The following DNAH14 variants were observed in gnomAD, a reference collection of about 807,000 sequenced individuals.
DNAH14 encodes dynein axonemal heavy chain 14.
In DNAH14, 478 loss-of-function variants were observed where a neutral mutation model predicts 520.9. That is an observed-to-expected ratio of 0.92 (90% CI 0.85 to 0.99). DNAH14 has a LOEUF of 0.99. DNAH14 is among the 50% of genes least tolerant of loss of function. DNAH14 has a pLI of 0.00. For missense variants in DNAH14, 4,831 were observed against 5,234.5 expected (o/e 0.92, Z 2.38); for synonymous variants, 1,581 against 1,757.2 (o/e 0.90, Z 2.51).
chr1:225,148,614 C>A (rs780729295), intron 31 of DNAH14, among the ~76,000 whole-genome samples: 23 of 151,984 alleles, frequency 1.5e-4, no homozygotes, highest in Non-Finnish European at 2.5e-4. Context: ...GTTGGTCAGG[C>A]TGGTCTCAAA....
chr1:225,270,897 A>AT, intron 50 of DNAH14, 31 bp downstream of exon 50: 1 of 1,535,868 alleles, frequency 6.5e-7, no homozygotes, highest in Non-Finnish European at 8.8e-7. Flanking sequence ...TCTACTGAAA[A>AT]AAATTAATTC....
In DNAH14 at chr1:225,079,136, TAAA is replaced by T; in HGVS notation, c.2425-68_2425-66del. ...TTAGACTTATATAAGTCAGAGAAAT[TAAA>T]AAGAGTAATTAGTCTTCCAAAATGA... On this transcript the variant is annotated intron_variant, in intron 17 of 85. Transcript: ENST00000682510. 16 of 1,332,712 alleles carry T rather than the reference TAAA, an allele frequency of 1.2e-5. No homozygotes were observed. In the South Asian group the frequency reaches 2.2e-4, roughly 18 times the overall value. 82.6% of individuals were successfully genotyped at this position (1,332,712 alleles called of 1,614,324 possible).
At chr1:225,322,079 T>C (rs1463140123) in intron 61 of DNAH14, among the ~76,000 whole-genome samples, 1 of 127,258 alleles carries the variant, frequency 7.9e-6, no homozygotes, top group Non-Finnish European at 1.6e-5. Flanking sequence ...TTCTTTTTTT[T>C]TCTTTCTTTT....
chr1:224,950,930 G>A, intron 1 of DNAH14, among the ~76,000 whole-genome samples: 1 of 151,930 alleles, frequency 6.6e-6, no homozygotes. Flanking sequence ...TAAAACATTT[G>A]TGGCAATTTG....
chr1:225,133,033 G>C (rs1159294157), intron 27 of DNAH14, among the ~76,000 whole-genome samples: 2 of 151,958 alleles, frequency 1.3e-5, no homozygotes, highest in Non-Finnish European at 2.9e-5. Flanking sequence ...TTTTTGAGAA[G>C]TATCTGTTCA....
intron 54 of DNAH14, among the ~76,000 whole-genome samples, chr1:225,279,219 C>T (rs1410147250): frequency 5.3e-5 from 8 of 152,148 alleles, no homozygotes; most frequent in Non-Finnish European, 1.2e-4. Context: ...GTTGGGCAGG[C>T]TGGTCTTGAA....
At position 225,022,716 on chromosome 1, in the gene DNAH14, A is replaced by G. The variant is rs1164575742; in HGVS notation, c.1108-899A>G. ...TCAAAGAACTTAAAAGAGAACTACC[A>G]TTCAACTCAGCAATCCCTCTACTGG... is the stretch of plus-strand genomic sequence containing the variant. On this transcript the variant is annotated intron_variant, in intron 10 of 85. Coordinates refer to ENST00000682510, the MANE Select transcript of DNAH14 (RefSeq NM_001367479.1). 2.6e-5 allele frequency among the ~76,000 whole-genome samples: 4 copies of G among 152,212 alleles called. No individual in the cohort carries two copies. The South Asian group carries it at 8.3e-4, about 31-fold the overall frequency.
At chr1:225,288,572 T>C (rs1224676975) in intron 54 of DNAH14, among the ~76,000 whole-genome samples, 2 of 152,150 alleles carry the variant, frequency 1.3e-5, no homozygotes, top group African/African-American at 4.8e-5. Flanking sequence ...TGTGGATATA[T>C]GACAGTTCCC....
At chr1:225,014,013 C>G (rs1263840346) in intron 10 of DNAH14, among the ~76,000 whole-genome samples, 2 of 152,088 alleles carry the variant, frequency 1.3e-5, no homozygotes, top group Non-Finnish European at 2.9e-5. Context: ...GAAAAAAACT[C>G]CTGCAGCTAG....
Position 225,290,046 on chromosome 1 carries a change from C to A in DNAH14, c.8433C>A (p.Pro2811=). The A allele has an allele frequency of 6.6e-7, 1 of 1,512,582 alleles. No individual in the cohort carries two copies. Among genetic ancestry groups the A allele is most frequent in the Non-Finnish European group, 8.9e-7 (1 of 1,126,870 alleles). 93.7% of individuals were successfully genotyped at this position (1,512,582 alleles called of 1,614,324 possible). The change falls in exon 55 of 86, where the codon CCC becomes CCA. Residue 2811 remains proline (P), a synonymous_variant. Transcript: ENST00000682510. Reference sequence around the variant, plus strand: ...TTCACGCAGGATTAAAAGGGAAACCCACTGTTCTGATGGTTCCCAATTTAA... The same window carrying A: ...TTCACGCAGGATTAAAAGGGAAACCAACTGTTCTGATGGTTCCCAATTTAA... The part of the protein sequence containing the change: ...VFIHAGLKGK[P]TVLMVPNLNI...
At chr1:225,326,946 T>G (rs1182287120) in intron 64 of DNAH14, among the ~76,000 whole-genome samples, 1 of 152,018 alleles carries the variant, frequency 6.6e-6, no homozygotes, top group Non-Finnish European at 1.5e-5. Context: ...ACAGAGAACC[T>G]GAACAACTCA....
chr1:224,948,619 T>C (rs1239707584), intron 1 of DNAH14, among the ~76,000 whole-genome samples: 3 of 152,072 alleles, frequency 2.0e-5, no homozygotes, highest in African/African-American at 7.2e-5. Context: ...TCTCTTTTGT[T>C]CTGACTCTTC....
chr1:225,308,866 C>G (rs2094301757), intron 60 of DNAH14, among the ~76,000 whole-genome samples: 1 of 152,208 alleles, frequency 6.6e-6, no homozygotes, highest in South Asian at 2.1e-4. Context: ...TGTGGTTTAG[C>G]AAATCACTGC....
intron 7 of DNAH14, chr1:224,969,729 A>C (rs1011559943): frequency 4.4e-6 from 1 of 225,414 alleles, no homozygotes; most frequent in Non-Finnish European, 8.4e-6. Context: ...TCCCCAAATT[A>C]ATACTTTTAT....
At chr1:224,993,519 T>C (rs781480686) in intron 8 of DNAH14, among the ~76,000 whole-genome samples, 22 of 152,024 alleles carry the variant, frequency 1.4e-4, no homozygotes, top group Non-Finnish European at 1.3e-4. Flanking sequence ...ATCCTTTGTA[T>C]TTCTGTGGTA....
intron 49 of DNAH14, among the ~76,000 whole-genome samples, chr1:225,269,979 C>T (rs1456641707): frequency 1.3e-5 from 2 of 152,150 alleles, no homozygotes. Flanking sequence ...TGGGTATATA[C>T]TCAAAGGATT....
At chr1:225,210,102 G>A (rs1267431271) in intron 41 of DNAH14, among the ~76,000 whole-genome samples, 1 of 149,920 alleles carries the variant, frequency 6.7e-6, no homozygotes, top group African/African-American at 2.5e-5. Context: ...GCTAGCTGCA[G>A]GAGTTTTTCT....
chr1:224,944,433 G>T (rs972567580), intron 1 of DNAH14, among the ~76,000 whole-genome samples: 2 of 152,122 alleles, frequency 1.3e-5, no homozygotes, highest in Admixed American at 6.5e-5. Context: ...GATGGGTCTT[G>T]ACTCTTTATC....
intron 21 of DNAH14, among the ~76,000 whole-genome samples, 152 bp from the exon 22 acceptor site, chr1:225,096,966 A>G (rs1409647065): frequency 6.6e-6 from 1 of 152,148 alleles, no homozygotes; most frequent in Admixed American, 6.5e-5. Flanking sequence ...ACTAAATACA[A>G]TTAGATCTGT....
Sources: allele counts gnomAD v4.1 joint callset (sites outside exome capture counted in the v4.1 genomes callset), GRCh38; gene constraint gnomAD v4.1.1; transcripts MANE v1.5; gene names NCBI Gene and HGNC (gene_info 2026-07-23, HGNC 2026-07-21).